Variants in GPC5 observed in about 807,000 individuals in gnomAD.
GPC5 encodes the protein glypican 5.
A neutral mutation model predicts 53.9 loss-of-function variants in GPC5; 47 were observed. That is an observed-to-expected ratio of 0.87 (90% confidence interval 0.69 to 1.11). The LOEUF (loss-of-function observed/expected upper bound fraction) is 1.11, where lower values mean the gene tolerates loss of function less well. Among genes scored for constraint, GPC5 ranks in the 50% most tolerant of loss-of-function variants. The pLI is 0.00. For missense variants in GPC5, 748 were observed against 713.1 expected (o/e 1.05, Z -0.56); for synonymous variants, 286 against 263.3 (o/e 1.09, Z -0.84).
intron 2 of GPC5, among the ~76,000 whole-genome samples, chr13:91,617,393 G>A (rs2139343992): frequency 6.6e-6 from 1 of 152,202 alleles, no homozygotes; most frequent in Non-Finnish European, 1.5e-5. Flanking sequence ...GTGGCAGAAG[G>A]ATGTTAAGGG....
intron 2 of GPC5, among the ~76,000 whole-genome samples, chr13:91,526,936 C>T (rs971805816): frequency 6.6e-6 from 1 of 152,112 alleles, no homozygotes; most frequent in Non-Finnish European, 1.5e-5. Context: ...ATCACAAGAA[C>T]AGCATGGGGG....
At chr13:92,187,718 T>A (rs2042194092) in intron 7 of GPC5, among the ~76,000 whole-genome samples, 1 of 152,146 alleles carries the variant, frequency 6.6e-6, no homozygotes, top group Non-Finnish European at 1.5e-5. Flanking sequence ...AAAGAATAAT[T>A]TTACTTTTGT....
intron 2 of GPC5, among the ~76,000 whole-genome samples, chr13:91,524,195 C>T (rs1003181722): frequency 6.6e-6 from 1 of 151,946 alleles, no homozygotes; most frequent in Non-Finnish European, 1.5e-5. Flanking sequence ...AACTGAAGCC[C>T]AGAAGTCTTA....
intron 7 of GPC5, among the ~76,000 whole-genome samples, chr13:92,756,365 G>A (rs1316738866): frequency 4.6e-5 from 7 of 151,944 alleles, no homozygotes; most frequent in African/African-American, 1.7e-4. Flanking sequence ...CAAACCCACA[G>A]CCAATATCAT....
intron 7 of GPC5, among the ~76,000 whole-genome samples, chr13:92,798,114 G>A (rs1343697556): frequency 1.3e-5 from 2 of 151,874 alleles, no homozygotes; most frequent in Admixed American, 6.6e-5. Flanking sequence ...TGAGCATGCT[G>A]AAAATGACGA....
At chr13:91,834,970 T>C (rs1295088415) in intron 5 of GPC5, among the ~76,000 whole-genome samples, 1 of 150,658 alleles carries the variant, frequency 6.6e-6, no homozygotes, top group African/African-American at 2.5e-5. Context: ...ACCTACAGAA[T>C]GGTAGAAAAT....
In GPC5 at chr13:91,756,289, A is replaced by T. The variant is rs760951494; in HGVS notation, c.1155-6A>T. The T allele has an allele frequency of 2.6e-5, 39 of 1,475,838 alleles. No individual in the cohort carries two copies. In the East Asian group the frequency reaches 8.6e-4, roughly 33 times the overall value. The allele number at this position is 1,475,838 out of a possible 1,614,324, so 91.4% of individuals were successfully genotyped here. On this transcript the variant is annotated splice_polypyrimidine_tract_variant and splice_region_variant and intron_variant, in intron 4 of 7. Transcript: ENST00000377067. ...TTTTAATTGTTTTCTTTCTTCTTTC[A>T]TTTAGAGAATTTATCAACAGCCTTC...
chr13:92,441,323 C>A (rs1206743163), intron 7 of GPC5, among the ~76,000 whole-genome samples: 1 of 152,202 alleles, frequency 6.6e-6, no homozygotes, highest in Admixed American at 6.5e-5. Context: ...CCTGTCTGGG[C>A]CTCCCAAAGT....
At chr13:92,561,774 G>C (rs552100472) in intron 7 of GPC5, among the ~76,000 whole-genome samples, 1 of 152,138 alleles carries the variant, frequency 6.6e-6, no homozygotes, top group South Asian at 2.1e-4. Context: ...AGAAGGTTTG[G>C]AGTTTCTATG....
chr13:91,938,495 G>A (rs991490113), intron 6 of GPC5, among the ~76,000 whole-genome samples: 2 of 152,020 alleles, frequency 1.3e-5, no homozygotes, highest in Non-Finnish European at 2.9e-5. Flanking sequence ...GATTTGGAGG[G>A]GAAAGACATC....
intron 2 of GPC5, among the ~76,000 whole-genome samples, chr13:91,609,248 A>G (rs1179718910): frequency 1.3e-5 from 2 of 151,756 alleles, no homozygotes; most frequent in African/African-American, 4.8e-5. Context: ...GCCAGTAGCT[A>G]AAGCTCTGAG....
At chr13:92,579,356 C>T (rs1883303595) in intron 7 of GPC5, among the ~76,000 whole-genome samples, 1 of 142,026 alleles carries the variant, frequency 7.0e-6, no homozygotes, top group South Asian at 2.4e-4. Context: ...ATTACCCTTC[C>T]CAACTGATGT....
intron 2 of GPC5, among the ~76,000 whole-genome samples, chr13:91,529,873 G>A (rs1259885660): frequency 6.6e-6 from 1 of 152,030 alleles, no homozygotes; most frequent in Non-Finnish European, 1.5e-5. Context: ...TCACAAGTGG[G>A]TCTGAGCTGG....
chr13:92,365,422 G>A (rs772086331), intron 7 of GPC5, among the ~76,000 whole-genome samples: 1 of 151,718 alleles, frequency 6.6e-6, no homozygotes, highest in Non-Finnish European at 1.5e-5. Context: ...TGAGTGGTGA[G>A]TGGATGGGAA....
chr13:91,471,903 C>G (rs1223005864), intron 2 of GPC5, among the ~76,000 whole-genome samples: 2 of 152,158 alleles, frequency 1.3e-5, no homozygotes, highest in Non-Finnish European at 2.9e-5. Context: ...AGTAACCTAA[C>G]AGATTAGGAT....
At chr13:91,617,407 A>G (rs1473793812) in intron 2 of GPC5, among the ~76,000 whole-genome samples, 1 of 151,860 alleles carries the variant, frequency 6.6e-6, no homozygotes, top group Admixed American at 6.7e-5. Flanking sequence ...TTAAGGGAGA[A>G]AAACACTGCC....
chr13:91,896,796 G>A (rs796091289), intron 5 of GPC5, among the ~76,000 whole-genome samples: 18 of 152,300 alleles, frequency 1.2e-4, no homozygotes, highest in African/African-American at 3.8e-4. Context: ...CTAGGCACAT[G>A]TAGTTTTATG....
chr13:92,246,611 T>A (rs555198583), intron 7 of GPC5, among the ~76,000 whole-genome samples: 3 of 152,242 alleles, frequency 2.0e-5, no homozygotes, highest in South Asian at 4.1e-4. Context: ...GAAAAACAAC[T>A]AATACTTAGC....
At chr13:92,463,718 CTTATA>C (rs1407388933) in intron 7 of GPC5, among the ~76,000 whole-genome samples, 1 of 152,092 alleles carries the variant, frequency 6.6e-6, no homozygotes, top group Non-Finnish European at 1.5e-5. Flanking sequence ...TTTTTCTTCA[CTTATA>C]TTTAATATCT....
Sources: gnomAD v4.1 joint callset for allele counts (sites outside exome capture counted in the v4.1 genomes callset) on GRCh38, gnomAD v4.1.1 for gene constraint, MANE v1.5 for transcripts, NCBI Gene and HGNC (gene_info 2026-07-23, HGNC 2026-07-21) for gene names.